Variants in ELP4 observed in about 807,000 individuals in gnomAD.
ELP4 encodes the protein elongator acetyltransferase complex subunit 4.
A neutral mutation model predicts 48.9 loss-of-function variants in ELP4; 51 were observed. The observed-to-expected ratio is 1.04, with a 90% CI of 0.83 to 1.32. The LOEUF (loss-of-function observed/expected upper bound fraction) is 1.32. Among genes scored for constraint, ELP4 ranks in the 40% most tolerant of loss-of-function variants. ELP4 has a pLI of 0.00. For synonymous variants in ELP4, 210 were observed against 189.2 expected, an observed-to-expected ratio of 1.11 and a Z score of -0.90; for missense variants, 519 against 514.6, an observed-to-expected ratio of 1.01 and a Z score of -0.08.
intron 9 of ELP4, among the ~76,000 whole-genome samples, chr11:31,737,719 G>T (rs780750905): frequency 2.0e-5 from 3 of 152,008 alleles, no homozygotes; most frequent in African/African-American, 4.8e-5. Context: ...TGGCCAAAAC[G>T]TATAGGAAAA....
In ELP4 at chr11:31,675,508, G is replaced by A. The variant is rs1364968771; in HGVS notation, c.1143+25287G>A. On this transcript the variant is annotated intron_variant, in intron 9 of 9. Transcript: ENST00000640961. ...ACTCCTGACCTCAGGTGATCCGCCC[G>A]CCTCGGCCTCCCAAAGTGCTGGGAT... Among the ~76,000 whole-genome samples, 9 of 152,024 alleles carry A rather than the reference G, an allele frequency of 5.9e-5. 1 individual carries two copies. The highest frequency in any genetic ancestry group is 2.6e-4 in the Admixed American group (4 of 15,258).
intron 2 of ELP4, among the ~76,000 whole-genome samples, chr11:31,528,325 A>G (rs767657716): frequency 3.3e-5 from 5 of 152,150 alleles, no homozygotes; most frequent in Non-Finnish European, 5.9e-5. Context: ...ATAGATAGTC[A>G]TGGAGTGTTT....
intron 4 of ELP4, among the ~76,000 whole-genome samples, chr11:31,603,097 CAA>C (rs1187324858): frequency 4.0e-5 from 6 of 151,792 alleles, no homozygotes; most frequent in Admixed American, 3.3e-4. Flanking sequence ...GTAGAGAACA[CAA>C]AAGAGGAATT....
At chr11:31,647,669 T>C (rs944536509) in intron 7 of ELP4, 72 bp from the exon 8 acceptor site, 1 of 914,388 alleles carries the variant, frequency 1.1e-6, no homozygotes, top group Non-Finnish European at 1.8e-6. Flanking sequence ...TGAGATGGCA[T>C]AGGGATATTT....
Position 31,539,667 on chromosome 11 carries a change from G to A in ELP4, c.265G>A (p.Asp89Asn). 1 of 1,602,098 alleles carries A rather than the reference G, an allele frequency of 6.2e-7. No homozygotes were observed. The highest frequency in any genetic ancestry group is 1.7e-5 in the Admixed American group (1 of 58,330). ...AVGTVLLIEE[D>N]KYNIYSPLLF... ...GCAACTTTTCCTTTTTACAGAGGAGGATAAATATAATATTTACTCACCTTT... is the reference window on the plus strand; with the variant it reads ...GCAACTTTTCCTTTTTACAGAGGAGAATAAATATAATATTTACTCACCTTT... The change falls in exon 3 of 10, where the codon GAT (aspartate) becomes AAT (asparagine). Residue 89 changes from aspartate to asparagine, a missense_variant. Transcript: ENST00000640961.
At chr11:31,719,508 G>A (rs1293844524) in intron 9 of ELP4, 1 of 398,100 alleles carries the variant, frequency 2.5e-6, no homozygotes, top group Non-Finnish European at 4.4e-6. Context: ...TTCCAAACTT[G>A]AAGATTTGAT....
chr11:31,608,460 G>T (rs930110786), intron 5 of ELP4, among the ~76,000 whole-genome samples: 8 of 152,050 alleles, frequency 5.3e-5, no homozygotes, highest in African/African-American at 1.2e-4. Flanking sequence ...GGGAAATGGG[G>T]TATTGGGGAA....
At chr11:31,576,894 G>A (rs1378004312) in intron 3 of ELP4, among the ~76,000 whole-genome samples, 1 of 152,076 alleles carries the variant, frequency 6.6e-6, no homozygotes, top group Non-Finnish European at 1.5e-5. Context: ...AGAGAACCAA[G>A]AGCAAACACA....
intron 9 of ELP4, among the ~76,000 whole-genome samples, chr11:31,725,544 C>T (rs1047425870): frequency 6.6e-6 from 1 of 152,198 alleles, no homozygotes; most frequent in African/African-American, 2.4e-5. Flanking sequence ...CTGATGTTCA[C>T]TGGGGAATGG....
At chr11:31,576,217 T>G (rs35246752) in intron 3 of ELP4, among the ~76,000 whole-genome samples, 59,149 of 152,044 alleles carry the variant, frequency 0.39, 15,059 homozygotes, top group African/African-American at 0.72. Flanking sequence ...ACGGTAAAGG[T>G]ATCAATTCAA....
At chr11:31,572,331 T>A (rs1957204215) in intron 3 of ELP4, among the ~76,000 whole-genome samples, 1 of 152,200 alleles carries the variant, frequency 6.6e-6, no homozygotes, top group Non-Finnish European at 1.5e-5. Flanking sequence ...TTAAAATTTT[T>A]AATTATATAG....
intron 9 of ELP4, among the ~76,000 whole-genome samples, chr11:31,697,013 A>G (rs1946423522): frequency 6.6e-6 from 1 of 152,096 alleles, no homozygotes; most frequent in African/African-American, 2.4e-5. Flanking sequence ...TTGCAATCCT[A>G]CTCTCTGATA....
At chr11:31,635,272 T>C (rs1944949970) in intron 7 of ELP4, among the ~76,000 whole-genome samples, 1 of 151,966 alleles carries the variant, frequency 6.6e-6, no homozygotes, top group African/African-American at 2.4e-5. Context: ...CAGGGCACTG[T>C]GAGTTTATTT....
chr11:31,546,343 T>C (rs942035953), intron 3 of ELP4, among the ~76,000 whole-genome samples: 1 of 152,064 alleles, frequency 6.6e-6, no homozygotes, highest in African/African-American at 2.4e-5. Flanking sequence ...TCCGAGTCTC[T>C]GATAAAACAG....
chr11:31,647,501 A>G (rs1945226745), intron 7 of ELP4: 2 of 333,680 alleles, frequency 6.0e-6, no homozygotes, highest in Admixed American at 9.0e-5. Flanking sequence ...TCTTCTACCA[A>G]TTTATGTTTT....
At chr11:31,666,912 T>A (rs1274684813) in intron 9 of ELP4, among the ~76,000 whole-genome samples, 16 of 152,128 alleles carry the variant, frequency 1.1e-4, no homozygotes, top group Non-Finnish European at 1.5e-5. Flanking sequence ...ACTAATGCCC[T>A]GAAAAAAGAG....
At chr11:31,690,910 A>C (rs2134138307) in intron 9 of ELP4, among the ~76,000 whole-genome samples, 1 of 149,398 alleles carries the variant, frequency 6.7e-6, no homozygotes, top group South Asian at 2.1e-4. Flanking sequence ...ATTTTCAGTC[A>C]GTTTAGAAAC....
intron 9 of ELP4, among the ~76,000 whole-genome samples, chr11:31,709,923 T>C (rs568847148): frequency 9.3e-4 from 141 of 152,328 alleles, no homozygotes; most frequent in Middle Eastern, 3.4e-3. Context: ...AAACAAGCCT[T>C]CTCTGATCAT....
intron 2 of ELP4, among the ~76,000 whole-genome samples, chr11:31,525,128 G>A (rs1246779471): frequency 6.6e-6 from 1 of 152,176 alleles, no homozygotes; most frequent in Non-Finnish European, 1.5e-5. Context: ...CAAGTACAGT[G>A]TTGATTAGTT....
Sources: gnomAD v4.1 joint callset for allele counts (sites outside exome capture counted in the v4.1 genomes callset) on GRCh38, gnomAD v4.1.1 for gene constraint, MANE v1.5 for transcripts, NCBI Gene and HGNC (gene_info 2026-07-23, HGNC 2026-07-21) for gene names.